The following SPHKAP variants were observed in gnomAD, a reference collection of about 807,000 sequenced individuals.
SPHKAP encodes SPHK1 interactor, AKAP domain containing, also known as A-kinase anchor protein SPHKAP.
A neutral mutation model predicts 137.5 loss-of-function variants in SPHKAP; 67 were observed. The observed-to-expected ratio is 0.49, with a 90% confidence interval of 0.40 to 0.60. The LOEUF (loss-of-function observed/expected upper bound fraction) is 0.60, where lower values mean the gene tolerates loss of function less well. SPHKAP is among the 20% of genes least tolerant of loss of function. The pLI, the probability that SPHKAP is intolerant of heterozygous loss-of-function variation, is 0.00. For synonymous variants in SPHKAP, 813 were observed against 785.3 expected (o/e 1.04, Z -0.59); for missense variants, 2,097 against 2,069.3 (o/e 1.01, Z -0.26).
intron 1 of SPHKAP, among the ~76,000 whole-genome samples, chr2:228,134,355 TA>T (rs1467655496): frequency 2.0e-5 from 3 of 152,216 alleles, no homozygotes; most frequent in Non-Finnish European, 4.4e-5. Context: ...TTCTGCCACC[TA>T]GCCTTTCTGA....
intron 3 of SPHKAP, among the ~76,000 whole-genome samples, chr2:228,063,051 G>A (rs892857682): frequency 6.6e-6 from 1 of 152,092 alleles, no homozygotes; most frequent in African/African-American, 2.4e-5. Context: ...TGAGAATACT[G>A]TTGCTTGGCA....
At chr2:228,169,024 C>T (rs1273343252) in intron 1 of SPHKAP, among the ~76,000 whole-genome samples, 2 of 152,066 alleles carry the variant, frequency 1.3e-5, no homozygotes, top group African/African-American at 4.8e-5. Context: ...AGAGCAAGGC[C>T]CTCACTCTCT....
intron 7 of SPHKAP, among the ~76,000 whole-genome samples, chr2:228,001,961 G>A (rs191693428): frequency 3.4e-4 from 52 of 152,216 alleles, no homozygotes; most frequent in African/African-American, 1.2e-3. Context: ...TCTTAATCCA[G>A]TCTATCATTG....
At chr2:228,050,923 T>C (rs2106272585) in intron 3 of SPHKAP, among the ~76,000 whole-genome samples, 1 of 152,200 alleles carries the variant, frequency 6.6e-6, no homozygotes, top group East Asian at 1.9e-4. Context: ...CCTCCCACCT[T>C]AGCCTCCTCA....
rs11336381 is a variant in SPHKAP at position 228,093,859 on chromosome 2, C to CAAAAAAAAAAAAAA, written c.246+14959_246+14972dup. 1.4e-4 allele frequency among the ~76,000 whole-genome samples: 11 copies of CAAAAAAAAAAAAAA among 77,110 alleles called. 1 individual carries two copies. Among genetic ancestry groups the CAAAAAAAAAAAAAA allele is most frequent in the Admixed American group, 3.8e-4 (2 of 5,278 alleles). 50.6% of individuals were successfully genotyped at this position (77,110 alleles called of 152,430 possible). Reference sequence around the variant, plus strand: ...TGGGCGACAGGGCAAGACTCCGTTTCAAAAAAAAAAAAAAAAAAAAAAAAA... The same window carrying CAAAAAAAAAAAAAA: ...TGGGCGACAGGGCAAGACTCCGTTTCAAAAAAAAAAAAAAAAAAAAAAAAAAAAAAAAAAAAAAA... On this transcript the variant is annotated intron_variant, in intron 3 of 11. Transcript: ENST00000392056.
In SPHKAP at chr2:227,997,327, AGT is replaced by A. The variant is rs369945896; in HGVS notation, c.4449-1635_4449-1634del. Among the ~76,000 whole-genome samples the A allele has an allele frequency of 3.9e-3, 596 of 152,278 alleles. 4 individuals carry two copies. Among genetic ancestry groups the A allele is most frequent in the African/African-American group, 0.013 (557 of 41,544 alleles). On this transcript the variant is annotated intron_variant, in intron 7 of 11. Transcript: ENST00000392056. ...GAGTCTTCTGACCAAATGGTGGAGA[AGT>A]GTGTGCTTCGAGCATACATTCTGCC...
chr2:227,983,919 G>A (rs1057246433), intron 11 of SPHKAP, among the ~76,000 whole-genome samples: 2 of 151,938 alleles, frequency 1.3e-5, no homozygotes, highest in Non-Finnish European at 2.9e-5. Flanking sequence ...GGGAATATAC[G>A]TTGTGGGGGT....
chr2:228,080,261 TCAAA>T (rs1356438302), intron 3 of SPHKAP, among the ~76,000 whole-genome samples: 9 of 151,680 alleles, frequency 5.9e-5, no homozygotes, highest in African/African-American at 2.2e-4. Flanking sequence ...TATAAAGAAC[TCAAA>T]CAATTCAATA....
rs536596121 is a variant in SPHKAP, at chr2:228,128,534, C to T, written c.138+3446G>A. Among the ~76,000 whole-genome samples the T allele has an allele frequency of 5.3e-5, 8 of 152,192 alleles. No individual in the cohort carries two copies. In the South Asian group the frequency reaches 6.2e-4, roughly 12 times the overall value. ...TAATATTTTGACCTTCTTCCATGAA[C>T]CATAAATGTTCTTAATAGCATCTAG... is the stretch of plus-strand genomic sequence containing the variant. On this transcript the variant is annotated intron_variant, in intron 2 of 11. Coordinates refer to ENST00000392056, the MANE Select transcript of SPHKAP (RefSeq NM_001142644.2).
At chr2:228,180,880 C>G (rs1466121824) in intron 1 of SPHKAP, among the ~76,000 whole-genome samples, 1 of 152,186 alleles carries the variant, frequency 6.6e-6, no homozygotes, top group Non-Finnish European at 1.5e-5. Flanking sequence ...CCGAAAAACA[C>G]GTTACTCGCA....
intron 1 of SPHKAP, among the ~76,000 whole-genome samples, chr2:228,180,431 T>C (rs1700872322): frequency 6.9e-6 from 1 of 145,668 alleles, no homozygotes; most frequent in African/African-American, 2.5e-5. Context: ...GTAGTATCAC[T>C]CCATGTGTGC....
At chr2:228,058,429 A>T (rs986342087) in intron 3 of SPHKAP, among the ~76,000 whole-genome samples, 2 of 152,222 alleles carry the variant, frequency 1.3e-5, no homozygotes, top group Non-Finnish European at 2.9e-5. Context: ...GATAGGCATT[A>T]ACATTTTACT....
rs763309929 is a variant in SPHKAP, at chr2:228,017,347, C to T, written c.3507G>A (p.Arg1169=). The T allele has an allele frequency of 1.4e-5, 23 of 1,613,610 alleles. No individual in the cohort carries two copies. Among genetic ancestry groups the T allele is most frequent in the Non-Finnish European group, 1.9e-5 (23 of 1,179,836 alleles). Residue 1169 remains arginine, a synonymous_variant, in exon 7 of 12, where the codon CGG becomes CGA. Transcript: ENST00000392056. The part of the protein sequence containing the change: ...ILNSAMQQAC[R]KSDHLSVRPS... ...GCCTCACACTGAGGTGGTCACTTTT[C>T]CGGCACGCCTGTTGCATGGCTGAGT... is the stretch of plus-strand genomic sequence containing the variant.
chr2:228,145,176 A>G (rs1235463375), intron 1 of SPHKAP, among the ~76,000 whole-genome samples: 1 of 152,196 alleles, frequency 6.6e-6, no homozygotes, highest in African/African-American at 2.4e-5. Flanking sequence ...TTTCTGACAC[A>G]GTTTAAAACA....
At chr2:228,096,089 T>C (rs186497533) in intron 3 of SPHKAP, among the ~76,000 whole-genome samples, 2 of 152,178 alleles carry the variant, frequency 1.3e-5, no homozygotes, top group South Asian at 2.1e-4. Context: ...AGCAAGAACT[T>C]ATGGGGCAGC....
chr2:228,018,411 A>G lies in SPHKAP; in HGVS notation c.2443T>C (p.Ser815Pro). 1 of 1,614,046 alleles carries G rather than the reference A, an allele frequency of 6.2e-7. No individual in the cohort carries two copies. Among genetic ancestry groups the G allele is most frequent in the South Asian group, 1.1e-5 (1 of 91,060 alleles). ...GAATCGGGCACTCTGTGACTACGTG[A>G]TAATTGTGACTGCAGCGTGGGGTTC... ...FKNPTLQSQL[S>P]RSHRVPDSST... Residue 815 changes from serine (S) to proline (P), a missense_variant, in exon 7 of 12, where the codon TCA (serine) becomes CCA (proline). Transcript: ENST00000392056.
rs146942630 is a variant in SPHKAP, at chr2:228,079,102, A to C, written c.246+29730T>G. Reference sequence around the variant, plus strand: ...AATTTTTTCATGGAAGGTCAAGGGGAGGTGGGGCTTAGGGGTGTGGTGGGA... The same window carrying C: ...AATTTTTTCATGGAAGGTCAAGGGGCGGTGGGGCTTAGGGGTGTGGTGGGA... On this transcript the variant is annotated intron_variant, in intron 3 of 11. Coordinates refer to ENST00000392056, the MANE Select transcript of SPHKAP (RefSeq NM_001142644.2). Among the ~76,000 whole-genome samples, 1,283 of 152,046 alleles carry C rather than the reference A, an allele frequency of 8.4e-3. 27 individuals carry two copies. The highest frequency in any genetic ancestry group is 0.03 in the African/African-American group (1,229 of 41,446).
intron 3 of SPHKAP, among the ~76,000 whole-genome samples, chr2:228,068,365 A>G (rs1696896081): frequency 7.4e-6 from 1 of 134,532 alleles, no homozygotes; most frequent in African/African-American, 2.8e-5. Flanking sequence ...ACAGAAATAG[A>G]AAAAAAAAAC....
intron 1 of SPHKAP, among the ~76,000 whole-genome samples, chr2:228,166,664 G>A (rs1700431319): frequency 6.6e-6 from 1 of 151,990 alleles, no homozygotes; most frequent in Non-Finnish European, 1.5e-5. Context: ...TAGAAATACT[G>A]AGGAAAATGT....
Sources: gnomAD v4.1 joint callset for allele counts (sites outside exome capture counted in the v4.1 genomes callset) on GRCh38, gnomAD v4.1.1 for gene constraint, MANE v1.5 for transcripts, NCBI Gene and HGNC (gene_info 2026-07-23, HGNC 2026-07-21) for gene names.